LRP1B: variants seen among roughly 807,000 people sequenced by gnomAD.
LRP1B encodes the protein LDL receptor related protein 1B, also known as low-density lipoprotein receptor-related protein 1B.
A neutral mutation model predicts 556.6 loss-of-function variants in LRP1B; 217 were observed. The observed-to-expected ratio is 0.39, with a 90% confidence interval of 0.35 to 0.44. The LOEUF is 0.44. Ranked by LOEUF, LRP1B falls within the 20% of genes least tolerant of loss-of-function variation. The pLI, the probability that LRP1B is intolerant of heterozygous loss-of-function variation, is 1.00. For missense variants in LRP1B, 5,053 were observed against 5,620.8 expected, an observed-to-expected ratio of 0.90 and a Z score of 3.23; for synonymous variants, 2,047 against 1,865.8, an observed-to-expected ratio of 1.10 and a Z score of -2.50.
chr2:140,988,422 T>C (rs958991703), intron 17 of LRP1B, among the ~76,000 whole-genome samples: 1 of 152,104 alleles, frequency 6.6e-6, no homozygotes, highest in Admixed American at 6.6e-5. Context: ...CTCAGCAAAT[T>C]TGTCACTATG....
intron 85 of LRP1B, among the ~76,000 whole-genome samples, chr2:140,272,217 A>G: frequency 6.6e-6 from 1 of 150,868 alleles, no homozygotes; most frequent in East Asian, 2.0e-4. Context: ...AAATTTTCAT[A>G]ATTTTCTTTT....
At chr2:140,383,249 GGAC>G (rs1683612112) in intron 67 of LRP1B, among the ~76,000 whole-genome samples, 1 of 151,796 alleles carries the variant, frequency 6.6e-6, no homozygotes, top group Non-Finnish European at 1.5e-5. Context: ...TTAGAAAATA[GGAC>G]AACATATACC....
chr2:141,936,495 C>G (rs183367634), intron 1 of LRP1B, among the ~76,000 whole-genome samples: 1 of 152,294 alleles, frequency 6.6e-6, no homozygotes, highest in Admixed American at 6.5e-5. Context: ...CATCTGCAAG[C>G]CAAGGAGAGA....
intron 7 of LRP1B, among the ~76,000 whole-genome samples, chr2:141,095,617 C>T (rs755759950): frequency 3.2e-4 from 49 of 151,630 alleles, no homozygotes; most frequent in Non-Finnish European, 5.9e-4. Context: ...AATTCTTAAC[C>T]TAAAGTACAT....
intron 1 of LRP1B, among the ~76,000 whole-genome samples, chr2:141,904,179 G>A (rs912636778): frequency 1.3e-5 from 2 of 151,938 alleles, no homozygotes; most frequent in Non-Finnish European, 2.9e-5. Context: ...GTAGCAATAT[G>A]GACCATGAGC....
In LRP1B at chr2:140,233,074, AAGAT is replaced by A. The variant is rs1680537633; in HGVS notation, c.*108_*111del. The A allele has an allele frequency of 1.6e-6, 1 of 635,844 alleles. No homozygotes were observed. The highest frequency in any genetic ancestry group is 4.5e-5 in the South Asian group (1 of 22,370). The allele number at this position is 635,844 out of a possible 1,614,324, so 39.4% of individuals were successfully genotyped here. On this transcript the variant is annotated 3_prime_UTR_variant, in exon 91 of 91. Coordinates refer to ENST00000389484, the MANE Select transcript of LRP1B (RefSeq NM_018557.3). ...ACTCAGAAAACAATTAACCAGGAAA[AAGAT>A]AAAGAAAGAGGTAATGCTGATGCCA...
Position 140,968,814 on chromosome 2 carries a change from T to C in LRP1B, c.2887+13346A>G, listed in dbSNP as rs180780358. 3.3e-5 allele frequency among the ~76,000 whole-genome samples: 5 copies of C among 152,352 alleles called. No individual in the cohort carries two copies. The East Asian group carries it at 7.7e-4, about 24-fold the overall frequency. ...CTAGTAGTCATTTAGGAGCAGATTG[T>C]TCAGTTTCCATGTAGTTGAGCGGTT... On this transcript the variant is annotated intron_variant, in intron 18 of 90. Transcript: ENST00000389484.
chr2:140,766,546 G>A (rs1573687946), intron 35 of LRP1B, among the ~76,000 whole-genome samples: 1 of 151,780 alleles, frequency 6.6e-6, no homozygotes, highest in African/African-American at 2.4e-5. Context: ...AGCACTGAAT[G>A]TTAGCCTCTT....
chr2:141,995,108 T>C (rs1393926261), intron 1 of LRP1B, among the ~76,000 whole-genome samples: 1 of 152,162 alleles, frequency 6.6e-6, no homozygotes, highest in Non-Finnish European at 1.5e-5. Context: ...AATAGCATAT[T>C]AGTTTTCTAT....
intron 66 of LRP1B, among the ~76,000 whole-genome samples, chr2:140,386,318 A>G (rs1683760025): frequency 6.6e-6 from 1 of 152,242 alleles, no homozygotes; most frequent in Non-Finnish European, 1.5e-5. Flanking sequence ...TCACGCCTGT[A>G]ATCCCAGCAC....
intron 2 of LRP1B, among the ~76,000 whole-genome samples, chr2:141,520,250 A>G (rs1462363645): frequency 6.6e-6 from 1 of 152,190 alleles, no homozygotes; most frequent in East Asian, 1.9e-4. Context: ...GATTTCAAAG[A>G]AAGAGAAATA....
At chr2:141,797,028 C>G (rs1695836790) in intron 2 of LRP1B, among the ~76,000 whole-genome samples, 1 of 150,436 alleles carries the variant, frequency 6.6e-6, no homozygotes, top group Non-Finnish European at 1.5e-5. Flanking sequence ...AGAAAGTTCA[C>G]AAAACAATTG....
At chr2:140,991,655 A>G (rs191174831) in intron 16 of LRP1B, among the ~76,000 whole-genome samples, 2 of 152,214 alleles carry the variant, frequency 1.3e-5, no homozygotes, top group East Asian at 1.9e-4. Context: ...AATAATTTCA[A>G]TTTGGTTTGG....
At chr2:140,961,486 T>C (rs550167366) in intron 18 of LRP1B, among the ~76,000 whole-genome samples, 3 of 152,188 alleles carry the variant, frequency 2.0e-5, no homozygotes, top group East Asian at 1.9e-4. Context: ...GATTGACATA[T>C]ATTCTTCCAC....
At chr2:140,251,764 G>A (rs542118986) in intron 86 of LRP1B, among the ~76,000 whole-genome samples, 1 of 151,774 alleles carries the variant, frequency 6.6e-6, no homozygotes, top group East Asian at 2.0e-4. Context: ...GCATGTCTCA[G>A]TGCCCTTAAA....
intron 3 of LRP1B, among the ~76,000 whole-genome samples, chr2:141,332,339 ACTTCT>A (rs1687684134): frequency 6.6e-6 from 1 of 151,312 alleles, no homozygotes; most frequent in Admixed American, 6.6e-5. Context: ...TTGGAATCTC[ACTTCT>A]CTTCTCTTGG....
At chr2:141,581,948 A>G (rs183060132) in intron 2 of LRP1B, among the ~76,000 whole-genome samples, 289 of 152,352 alleles carry the variant, frequency 1.9e-3, no homozygotes, top group African/African-American at 6.3e-3. Flanking sequence ...GGATGGCTCA[A>G]GTTTTAAAAA....
intron 25 of LRP1B, among the ~76,000 whole-genome samples, chr2:140,877,250 G>A (rs1223676070): frequency 6.6e-6 from 1 of 152,048 alleles, no homozygotes; most frequent in Admixed American, 6.6e-5. Context: ...GAGTAATGTG[G>A]CCTATACTGA....
intron 1 of LRP1B, among the ~76,000 whole-genome samples, chr2:142,015,393 A>G (rs1703088302): frequency 6.6e-6 from 1 of 152,208 alleles, no homozygotes; most frequent in African/African-American, 2.4e-5. Flanking sequence ...AAAGACTTAA[A>G]CATAAGACCT....
Sources: gnomAD v4.1 joint callset for allele counts (sites outside exome capture counted in the v4.1 genomes callset) on GRCh38, gnomAD v4.1.1 for gene constraint, MANE v1.5 for transcripts, NCBI Gene and HGNC (gene_info 2026-07-23, HGNC 2026-07-21) for gene names.